The following TGFBR3 variants were observed in gnomAD, a reference collection of about 807,000 sequenced individuals.
TGFBR3 encodes the protein transforming growth factor beta receptor type 3.
In TGFBR3, 46 loss-of-function variants were observed where a neutral mutation model predicts 87.9. That is an observed-to-expected ratio of 0.52 (90% CI 0.41 to 0.67). The LOEUF (loss-of-function observed/expected upper bound fraction) is 0.67, where lower values mean the gene tolerates loss of function less well. Among genes scored for constraint, TGFBR3 ranks in the 30% least tolerant of loss-of-function variants. TGFBR3 has a pLI of 0.00. For missense variants in TGFBR3, 866 were observed against 1,041.9 expected, an observed-to-expected ratio of 0.83 and a Z score of 2.32; for synonymous variants, 381 against 391.6, an observed-to-expected ratio of 0.97 and a Z score of 0.32.
rs1267676119 is a variant in TGFBR3, at chr1:91,825,291, A to T, written c.62-27820T>A. ...TAATGTGGTATATACATAAAACAAA[A>T]TATTACTTGGCCATAAAAAGGAATG... On this transcript the variant is annotated intron_variant, in intron 2 of 16. Transcript: ENST00000212355. Among the ~76,000 whole-genome samples, 5 of 152,254 alleles carry T rather than the reference A, an allele frequency of 3.3e-5. No individual in the cohort carries two copies. The East Asian group carries it at 9.6e-4, about 29-fold the overall frequency.
rs184017007 is a variant in TGFBR3 at position 91,779,723 on chromosome 1, G to A, written c.246+17564C>T. 7.9e-5 allele frequency among the ~76,000 whole-genome samples: 12 copies of A among 151,072 alleles called. No individual in the cohort carries two copies. In the East Asian group the frequency reaches 1.6e-3, roughly 20 times the overall value. ...AGGAGTAAACAAACTGGAGACAGGA[G>A]GGAGCATGGAACTCAAACTAATGTG... On this transcript the variant is annotated intron_variant, in intron 3 of 16. Transcript: ENST00000212355.
At chr1:91,787,282 A>T (rs552574026) in intron 3 of TGFBR3, among the ~76,000 whole-genome samples, 2 of 152,136 alleles carry the variant, frequency 1.3e-5, no homozygotes, top group Non-Finnish European at 2.9e-5. Context: ...GCCTGGTGAC[A>T]GAGCGAGACG....
intron 2 of TGFBR3, among the ~76,000 whole-genome samples, chr1:91,860,839 C>T (rs17880264): frequency 2.9e-5 from 4 of 137,176 alleles, no homozygotes; most frequent in South Asian, 4.6e-4. Context: ...GGCTGAGGCA[C>T]GAGAATTGCT....
At position 91,682,153 on chromosome 1, in the gene TGFBR3, T is replaced by C. The variant is rs75861863; in HGVS notation, c.*1586A>G. On this transcript the variant is annotated 3_prime_UTR_variant, in exon 17 of 17. Transcript: ENST00000212355. ...TCAATTTCCACATACTTGTTTCCCA[T>C]GTAGACACTGCCCTAAGGTTTTAAG... 2.6e-3 allele frequency: 1,174 copies of C among 454,048 alleles called. 12 individuals carry two copies. Among genetic ancestry groups the C allele is most frequent in the African/African-American group, 0.021 (1,076 of 50,108 alleles). The allele number at this position is 454,048 out of a possible 1,614,324, so 28.1% of individuals were successfully genotyped here.
chr1:91,824,738 G>T (rs1472757900), intron 2 of TGFBR3, among the ~76,000 whole-genome samples: 1 of 152,162 alleles, frequency 6.6e-6, no homozygotes, highest in Non-Finnish European at 1.5e-5. Context: ...GAGGCAGGTG[G>T]ATCACGAGGT....
At chr1:91,765,641 G>C (rs1674152090) in intron 3 of TGFBR3, among the ~76,000 whole-genome samples, 1 of 152,066 alleles carries the variant, frequency 6.6e-6, no homozygotes, top group Non-Finnish European at 1.5e-5. Context: ...AAAGAAAATA[G>C]AAAATGTTTG....
intron 2 of TGFBR3, among the ~76,000 whole-genome samples, chr1:91,827,472 T>C (rs1373733734): frequency 2.0e-5 from 3 of 152,270 alleles, no homozygotes; most frequent in Admixed American, 2.0e-4. Flanking sequence ...CCAAACCTTT[T>C]CAAAAACTGC....
chr1:91,749,513 G>A (rs1673462571), intron 4 of TGFBR3, among the ~76,000 whole-genome samples: 1 of 152,118 alleles, frequency 6.6e-6, no homozygotes, highest in South Asian at 2.1e-4. Flanking sequence ...AAGGCTAAAG[G>A]GACTCCTTCC....
In TGFBR3 at chr1:91,794,339, G is replaced by C. The variant is rs112228069; in HGVS notation, c.246+2948C>G. ...CTGCCTCAGCCTCCCAAGTAGCTACGACTACAGGCACCCGCCACCATGCCA... is the reference window on the plus strand; with the variant it reads ...CTGCCTCAGCCTCCCAAGTAGCTACCACTACAGGCACCCGCCACCATGCCA... On this transcript the variant is annotated intron_variant, in intron 3 of 16. Coordinates refer to ENST00000212355, the MANE Select transcript of TGFBR3 (RefSeq NM_003243.5). Among the ~76,000 whole-genome samples the C allele has an allele frequency of 5.2e-3, 783 of 152,006 alleles. 7 individuals carry two copies. The highest frequency in any genetic ancestry group is 0.018 in the African/African-American group (733 of 41,468).
chr1:91,846,711 G>A (rs1557741534), intron 2 of TGFBR3, among the ~76,000 whole-genome samples: 1 of 151,946 alleles, frequency 6.6e-6, no homozygotes, highest in Non-Finnish European at 1.5e-5. Context: ...TTGTATACTA[G>A]GTTTTTTTTT....
chr1:91,734,756 T>C lies in TGFBR3; in HGVS notation c.568+20A>G, dbSNP rs779985989. ...TGCCTGTCATAAATCAGTCATTAAC[T>C]GAAGCCACATAAAATTTACCTTCCC... On this transcript the variant is annotated intron_variant, in intron 5 of 16. Coordinates refer to ENST00000212355, the MANE Select transcript of TGFBR3 (RefSeq NM_003243.5). 24 of 1,613,442 alleles carry C rather than the reference T, an allele frequency of 1.5e-5. No individual in the cohort carries two copies. Among genetic ancestry groups the C allele is most frequent in the Non-Finnish European group, 2.0e-5 (23 of 1,179,430 alleles).
At position 91,689,900 on chromosome 1, in the gene TGFBR3, A is replaced by G. The variant is rs189650226; in HGVS notation, c.2437+5772T>C. Among the ~76,000 whole-genome samples, 357 of 152,120 alleles carry G rather than the reference A, an allele frequency of 2.3e-3. 2 individuals carry two copies. Among genetic ancestry groups the G allele is most frequent in the African/African-American group, 8.2e-3 (338 of 41,472 alleles). On this transcript the variant is annotated intron_variant, in intron 16 of 16. Coordinates refer to ENST00000212355, the MANE Select transcript of TGFBR3 (RefSeq NM_003243.5). ...GACTTTGCATAGAGATAGTGCATTT[A>G]AAGGCATTGACTTGCATTCCTTTCC... is the stretch of plus-strand genomic sequence containing the variant.
chr1:91,882,700 G>A (rs2101296024), intron 1 of TGFBR3, among the ~76,000 whole-genome samples: 1 of 152,126 alleles, frequency 6.6e-6, no homozygotes, highest in South Asian at 2.1e-4. Context: ...AGCTGAGATT[G>A]CACCACTGCA....
intron 5 of TGFBR3, among the ~76,000 whole-genome samples, chr1:91,733,164 C>G (rs902477551): frequency 6.6e-6 from 1 of 152,210 alleles, no homozygotes; most frequent in Non-Finnish European, 1.5e-5. Flanking sequence ...CTCTCTGCCT[C>G]AACTAAACAA....
At chr1:91,817,003 A>T (rs1346876189) in intron 2 of TGFBR3, among the ~76,000 whole-genome samples, 5 of 152,220 alleles carry the variant, frequency 3.3e-5, no homozygotes, top group Non-Finnish European at 7.3e-5. Flanking sequence ...TACACATTTG[A>T]CAGAACCAAA....
At chr1:91,865,307 TAA>T (rs554953411) in intron 1 of TGFBR3, among the ~76,000 whole-genome samples, 48 of 139,788 alleles carry the variant, frequency 3.4e-4, no homozygotes, top group Admixed American at 6.5e-4. Context: ...TGCTTTCACT[TAA>T]AAAAAAAAAA....
Position 91,712,269 on chromosome 1 carries a change from C to G in TGFBR3, c.2140G>C (p.Glu714Gln). ...TTAGGCAACTTCTGGGGGTGCTTCT[C>G]CATCTTCGTACACAGCGTCAGCTCA... is the stretch of plus-strand genomic sequence containing the variant. ...QCELTLCTKM[E>Q]KHPQKLPKCV... The change falls in exon 13 of 17, where the codon GAG (glutamate) becomes CAG (glutamine). Residue 714 changes from glutamate (E) to glutamine (Q), a missense_variant. Physicochemically the swap from Glu to Gln is conservative, Grantham distance 29. Coordinates refer to ENST00000212355, the MANE Select transcript of TGFBR3 (RefSeq NM_003243.5). 6.2e-7 allele frequency: 1 copy of G among 1,614,178 alleles called. No individual in the cohort carries two copies. The highest frequency in any genetic ancestry group is 2.2e-5 in the East Asian group (1 of 44,850).
chr1:91,856,581 C>G (rs1420711055), intron 2 of TGFBR3, among the ~76,000 whole-genome samples: 2 of 152,206 alleles, frequency 1.3e-5, no homozygotes, highest in East Asian at 1.9e-4. Flanking sequence ...CTCTGCCCCT[C>G]CTCTGGCCAC....
chr1:91,814,985 T>C (rs1281279663), intron 2 of TGFBR3, among the ~76,000 whole-genome samples: 1 of 152,162 alleles, frequency 6.6e-6, no homozygotes, highest in Admixed American at 6.5e-5. Context: ...ATCTCTACTA[T>C]ACTGTGAGCA....
Sources: gnomAD v4.1 joint callset for allele counts (sites outside exome capture counted in the v4.1 genomes callset) on GRCh38, gnomAD v4.1.1 for gene constraint, MANE v1.5 for transcripts, NCBI Gene and HGNC (gene_info 2026-07-23, HGNC 2026-07-21) for gene names.